Variants in ARHGAP32 observed in about 807,000 individuals in gnomAD.
ARHGAP32 encodes the protein rho GTPase-activating protein 32.
Under a neutral mutation model 186.5 loss-of-function variants are expected in ARHGAP32, and 51 were observed. The ratio of observed to expected loss-of-function variants is 0.27; its 90% CI spans 0.22 to 0.35. The LOEUF is 0.35. Among genes scored for constraint, ARHGAP32 ranks in the 10% least tolerant of loss-of-function variants. The pLI is 1.00. For missense variants in ARHGAP32, 2,186 were observed against 2,623.5 expected (o/e 0.83, Z 3.64); for synonymous variants, 950 against 964.3 (o/e 0.99, Z 0.27).
chr11:129,270,972 C>T lies in ARHGAP32; in HGVS notation c.-5+8174G>A, dbSNP rs527292537. Among the ~76,000 whole-genome samples the T allele has an allele frequency of 3.9e-5, 6 of 152,282 alleles. No homozygotes were observed. In the South Asian group the frequency reaches 1.2e-3, roughly 32 times the overall value. The stretch of plus-strand genomic sequence containing the variant: ...GCAACCTACCCCAATTTGTGACAAC[C>T]AAGAATGTCTCCAGACATCACCTGA... On this transcript the variant is annotated intron_variant, in intron 1 of 6. Transcript: ENST00000525234.
intron 5 of ARHGAP32, among the ~76,000 whole-genome samples, chr11:129,101,424 C>T (rs1310341420): frequency 6.6e-6 from 1 of 152,116 alleles, no homozygotes; most frequent in African/African-American, 2.4e-5. Context: ...CAGGAGTACA[C>T]TAAAACCCAA....
intron 2 of ARHGAP32, among the ~76,000 whole-genome samples, chr11:129,141,097 T>C (rs1158760944): frequency 6.6e-6 from 1 of 152,212 alleles, no homozygotes; most frequent in African/African-American, 2.4e-5. Context: ...AGAATGCTTA[T>C]GTTTAAATGG....
At chr11:129,079,808 A>T (rs908030292) in intron 6 of ARHGAP32, among the ~76,000 whole-genome samples, 3 of 152,150 alleles carry the variant, frequency 2.0e-5, no homozygotes, top group African/African-American at 7.2e-5. Context: ...GATACAGAAC[A>T]CCAGAATGGG....
chr11:129,005,890 T>A (rs1937741468), intron 11 of ARHGAP32, among the ~76,000 whole-genome samples: 1 of 152,178 alleles, frequency 6.6e-6, no homozygotes, highest in Non-Finnish European at 1.5e-5. Flanking sequence ...ATATGCCCAA[T>A]TGAGACTATT....
rs529689702 is a variant in ARHGAP32 at position 129,185,153 on chromosome 11, G to A, written c.116+6930C>T. 8.5e-5 allele frequency among the ~76,000 whole-genome samples: 13 copies of A among 152,262 alleles called. No individual in the cohort carries two copies. In the South Asian group the frequency reaches 1.0e-3, roughly 12 times the overall value. ...TGCTGCTATAAAGACACATGCACACGTATGTTTATTGTGGCATTATTCACA... is the reference window on the plus strand; with the variant it reads ...TGCTGCTATAAAGACACATGCACACATATGTTTATTGTGGCATTATTCACA... On this transcript the variant is annotated intron_variant, in intron 1 of 22. Transcript: ENST00000682385.
At chr11:129,183,798 C>A (rs1944102961) in intron 1 of ARHGAP32, among the ~76,000 whole-genome samples, 1 of 152,118 alleles carries the variant, frequency 6.6e-6, no homozygotes, top group Admixed American at 6.6e-5. Context: ...CACCACGATT[C>A]TGCCTCAGTG....
intron 10 of ARHGAP32, among the ~76,000 whole-genome samples, chr11:129,046,713 T>G (rs1184770738): frequency 2.0e-5 from 3 of 152,152 alleles, no homozygotes; most frequent in African/African-American, 7.2e-5. Context: ...GCCTGGAGCT[T>G]TGGAAACAGT....
chr11:128,991,734 T>C (rs922170750), intron 12 of ARHGAP32, among the ~76,000 whole-genome samples: 2 of 152,218 alleles, frequency 1.3e-5, no homozygotes, highest in Admixed American at 6.5e-5. Context: ...ACTTTGATTT[T>C]ACATTCTTAG....
chr11:129,008,207 G>T (rs577928707), intron 11 of ARHGAP32, among the ~76,000 whole-genome samples: 8 of 152,194 alleles, frequency 5.3e-5, no homozygotes, highest in East Asian at 3.9e-4. Flanking sequence ...CCTGATTTTT[G>T]GTTTCTTTGA....
At chr11:129,121,050 C>T (rs897556341) in intron 5 of ARHGAP32, among the ~76,000 whole-genome samples, 4 of 152,004 alleles carry the variant, frequency 2.6e-5, no homozygotes, top group Admixed American at 2.6e-4. Context: ...ATCAAATGTG[C>T]TAATTTTTAC....
chr11:129,220,710 T>C (rs1413968585), intron 1 of ARHGAP32, among the ~76,000 whole-genome samples: 1 of 152,198 alleles, frequency 6.6e-6, no homozygotes, highest in Non-Finnish European at 1.5e-5. Flanking sequence ...GTAAACTAGT[T>C]AAGACTCAGA....
At chr11:128,973,906 C>A (rs984737782) in intron 21 of ARHGAP32, 1 of 577,006 alleles carries the variant, frequency 1.7e-6, no homozygotes, top group Non-Finnish European at 3.0e-6. Context: ...GATAAGGGGA[C>A]TTTTGTGAAG....
At chr11:129,015,168 C>T (rs1938274993) in intron 11 of ARHGAP32, among the ~76,000 whole-genome samples, 1 of 152,084 alleles carries the variant, frequency 6.6e-6, no homozygotes. Context: ...CTAGTTTTAA[C>T]CTGACTACTA....
intron 1 of ARHGAP32, among the ~76,000 whole-genome samples, chr11:129,241,838 T>G (rs1318336746): frequency 1.3e-5 from 2 of 152,104 alleles, no homozygotes; most frequent in African/African-American, 2.4e-5. Context: ...GACAAAAATT[T>G]TAAAAAGTAT....
At chr11:129,201,624 T>C (rs1388467190) in intron 1 of ARHGAP32, among the ~76,000 whole-genome samples, 2 of 152,136 alleles carry the variant, frequency 1.3e-5, no homozygotes, top group East Asian at 1.9e-4. Context: ...ATGATTTTTC[T>C]AGTAAAAGTA....
chr11:128,975,683 C>G (rs946617162), intron 20 of ARHGAP32, among the ~76,000 whole-genome samples: 3 of 152,050 alleles, frequency 2.0e-5, no homozygotes, highest in African/African-American at 7.2e-5. Context: ...AAGAAACTCT[C>G]TATTCTATTA....
At chr11:129,207,809 GA>G (rs994699631) in intron 1 of ARHGAP32, among the ~76,000 whole-genome samples, 6 of 151,916 alleles carry the variant, frequency 3.9e-5, no homozygotes, top group Non-Finnish European at 8.8e-5. Context: ...AAAGTACAAA[GA>G]AAAAAACAAC....
At chr11:129,244,759 AC>A in intron 1 of ARHGAP32, among the ~76,000 whole-genome samples, 1 of 152,096 alleles carries the variant, frequency 6.6e-6, no homozygotes, top group Non-Finnish European at 1.5e-5. Flanking sequence ...AAGAAAAAAA[AC>A]AAACAACCCC....
chr11:129,257,587 A>G (rs745815350), intron 1 of ARHGAP32, among the ~76,000 whole-genome samples: 1 of 152,130 alleles, frequency 6.6e-6, no homozygotes, highest in Non-Finnish European at 1.5e-5. Context: ...CAGACTGGGC[A>G]ACATAACAAA....
Sources: allele counts gnomAD v4.1 joint callset (sites outside exome capture counted in the v4.1 genomes callset), GRCh38; gene constraint gnomAD v4.1.1; transcripts MANE v1.5; gene names NCBI Gene and HGNC (gene_info 2026-07-23, HGNC 2026-07-21).